The following ZC3H3 variants were observed in gnomAD, a reference collection of about 807,000 sequenced individuals.
ZC3H3 encodes zinc finger CCCH-type containing 3, also known as zinc finger CCCH domain-containing protein 3.
ZC3H3 carries 36 observed loss-of-function variants against 77.3 expected under a neutral mutation model. The ratio of observed to expected loss-of-function variants is 0.47; its 90% CI spans 0.36 to 0.61. The LOEUF (loss-of-function observed/expected upper bound fraction) is 0.61. Among genes scored for constraint, ZC3H3 ranks in the 20% least tolerant of loss-of-function variants. The pLI, the probability that ZC3H3 is intolerant of heterozygous loss-of-function variation, is 0.00. For missense variants in ZC3H3, 1,331 were observed against 1,312.2 expected, an observed-to-expected ratio of 1.01 and a Z score of -0.22; for synonymous variants, 626 against 555.2, an observed-to-expected ratio of 1.13 and a Z score of -1.79.
intron 3 of ZC3H3, among the ~76,000 whole-genome samples, chr8:143,528,837 G>A (rs887693640): frequency 2.0e-5 from 3 of 152,090 alleles, no homozygotes; most frequent in Admixed American, 6.5e-5. Context: ...TCCTCTGGGA[G>A]GGGGGGCGCC....
At chr8:143,529,241 GGAGAAGC>G (rs372404344) in intron 3 of ZC3H3, among the ~76,000 whole-genome samples, 2,650 of 152,310 alleles carry the variant, frequency 0.017, 81 homozygotes, top group African/African-American at 0.061. Context: ...CTGGTCACCG[GGAGAAGC>G]CGCTGGGGAC....
intron 11 of ZC3H3, 93 bp from the exon 12 acceptor site, chr8:143,438,180 C>G: frequency 2.0e-6 from 3 of 1,487,888 alleles, no homozygotes; most frequent in Non-Finnish European, 2.8e-6. Flanking sequence ...GATCGGGGGG[C>G]TCTGTCAGCC....
At chr8:143,476,583 G>A (rs1007480157) in intron 4 of ZC3H3, among the ~76,000 whole-genome samples, 1 of 152,146 alleles carries the variant, frequency 6.6e-6, no homozygotes, top group African/African-American at 2.4e-5. Context: ...GGGGGCTCAG[G>A]GCCTGGCAAA....
intron 1 of ZC3H3, among the ~76,000 whole-genome samples, chr8:143,539,635 T>C (rs1014617370): frequency 1.3e-5 from 2 of 152,234 alleles, no homozygotes; most frequent in Non-Finnish European, 2.9e-5. Context: ...AGTCATTTGC[T>C]GAGACGTGTC....
intron 1 of ZC3H3, 119 bp from the exon 2 acceptor site, chr8:143,539,439 G>C: frequency 2.7e-6 from 3 of 1,094,496 alleles, no homozygotes; most frequent in Admixed American, 2.9e-5. Flanking sequence ...CTGAGCCCCT[G>C]CCAGTTTCAG....
At chr8:143,510,235 T>C (rs1002979877) in intron 3 of ZC3H3, among the ~76,000 whole-genome samples, 7 of 152,148 alleles carry the variant, frequency 4.6e-5, no homozygotes, top group Non-Finnish European at 7.4e-5. Flanking sequence ...GTCACCTAGA[T>C]AGACCCCTCT....
intron 4 of ZC3H3, among the ~76,000 whole-genome samples, chr8:143,490,734 G>A (rs746166517): frequency 2.6e-5 from 4 of 152,184 alleles, no homozygotes; most frequent in Non-Finnish European, 4.4e-5. Flanking sequence ...GGCCAACATG[G>A]TGAAACCCTG....
chr8:143,480,496 C>G (rs2129927896), intron 4 of ZC3H3, among the ~76,000 whole-genome samples: 1 of 152,366 alleles, frequency 6.6e-6, no homozygotes, highest in Middle Eastern at 3.4e-3. Flanking sequence ...GTCATTGATC[C>G]TGGGCACAGA....
At chr8:143,457,453 T>C (rs1485277602) in intron 9 of ZC3H3, among the ~76,000 whole-genome samples, 1 of 152,018 alleles carries the variant, frequency 6.6e-6, no homozygotes, top group African/African-American at 2.4e-5. Context: ...TCACAGGAGC[T>C]GGGCTTGGTG....
chr8:143,520,929 G>A (rs1192004998), intron 3 of ZC3H3, among the ~76,000 whole-genome samples: 1 of 152,188 alleles, frequency 6.6e-6, no homozygotes, highest in African/African-American at 2.4e-5. Context: ...TCCATGGCTG[G>A]GTTTCTGGCC....
rs777339076 is a variant in ZC3H3, at chr8:143,473,356, C to CT, written c.1903+2041_1903+2042insA. Among the ~76,000 whole-genome samples the CT allele has an allele frequency of 2.0e-5, 3 of 152,200 alleles. No individual in the cohort carries two copies. In the East Asian group the frequency reaches 5.8e-4, roughly 29 times the overall value. On this transcript the variant is annotated intron_variant, in intron 5 of 11. Coordinates refer to ENST00000262577, the MANE Select transcript of ZC3H3 (RefSeq NM_015117.3). ...GTTTTCAGCTCATGAGAAAGGCCTCCCTGACCACCTGACTGGACACGAGTC... is the reference window on the plus strand; with the variant it reads ...GTTTTCAGCTCATGAGAAAGGCCTCCTCTGACCACCTGACTGGACACGAGTC...
intron 3 of ZC3H3, among the ~76,000 whole-genome samples, chr8:143,528,619 C>T (rs763602584): frequency 3.3e-5 from 5 of 152,216 alleles, no homozygotes; most frequent in African/African-American, 1.2e-4. Context: ...GTGCTGCTGC[C>T]GACCTCCACC....
chr8:143,500,639 T>C (rs1431439645), intron 4 of ZC3H3, among the ~76,000 whole-genome samples: 1 of 152,144 alleles, frequency 6.6e-6, no homozygotes, highest in Non-Finnish European at 1.5e-5. Flanking sequence ...AGGTGAGGGT[T>C]TTCTTATGGC....
chr8:143,530,682 G>A lies in ZC3H3; in HGVS notation c.1561+5575C>T, dbSNP rs1294451877. Among the ~76,000 whole-genome samples, 5 of 152,138 alleles carry A rather than the reference G, an allele frequency of 3.3e-5. No homozygotes were observed. The highest frequency in any genetic ancestry group is 4.8e-5 in the African/African-American group (2 of 41,422). ...CCCCAGGAGGATGTACCACGAAGCT[G>A]GCCCCACTTCCCCCGCACCACAGTG... On this transcript the variant is annotated intron_variant, in intron 3 of 11. Coordinates refer to ENST00000262577, the MANE Select transcript of ZC3H3 (RefSeq NM_015117.3). The surrounding 1 kb of genome is among the most constrained non-coding windows in gnomAD (Gnocchi z 4.3).
intron 4 of ZC3H3, among the ~76,000 whole-genome samples, chr8:143,495,754 TTTTC>T (rs1440137772): frequency 2.4e-5 from 3 of 127,558 alleles, no homozygotes; most frequent in African/African-American, 6.7e-5. Flanking sequence ...CTAATTTTTC[TTTTC>T]TTTCTTTTTT....
At chr8:143,457,986 G>A (rs72691434) in intron 9 of ZC3H3, among the ~76,000 whole-genome samples, 6,712 of 152,036 alleles carry the variant, frequency 0.044, 234 homozygotes, top group Non-Finnish European at 0.071. Context: ...AATAATAAGA[G>A]CAGACAGCCC....
intron 2 of ZC3H3, 72 bp downstream of exon 2, chr8:143,537,931 A>T: frequency 7.2e-7 from 1 of 1,394,168 alleles, no homozygotes; most frequent in Admixed American, 2.2e-5. Context: ...AGCTCAGCAG[A>T]TCCATTAGGG....
In ZC3H3 at chr8:143,437,677, T is replaced by C. The variant is rs1422629429; in HGVS notation, c.*379A>G. ...CAACCAGTTACGGATAGAACCTTTA[T>C]TGCTGAACATAAAACACCTGCCTGG... On this transcript the variant is annotated 3_prime_UTR_variant, in exon 12 of 12. Coordinates refer to ENST00000262577, the MANE Select transcript of ZC3H3 (RefSeq NM_015117.3). 2.5e-5 allele frequency: 8 copies of C among 314,070 alleles called. No individual in the cohort carries two copies. In the Admixed American group the frequency reaches 3.2e-4, roughly 12 times the overall value. 19.5% of individuals were successfully genotyped at this position (314,070 alleles called of 1,614,324 possible). A position where few individuals can be genotyped will look rare whatever the true frequency, so the allele number is the denominator to read the frequency against.
intron 4 of ZC3H3, among the ~76,000 whole-genome samples, chr8:143,503,437 A>G (rs532763724): frequency 6.6e-6 from 1 of 152,190 alleles, no homozygotes; most frequent in Non-Finnish European, 1.5e-5. Context: ...TCCATCTGAC[A>G]ACGACGAGCA....
Sources: gnomAD v4.1 joint callset for allele counts (sites outside exome capture counted in the v4.1 genomes callset) on GRCh38, gnomAD v4.1.1 for gene constraint, Gnocchi (gnomAD v3.1) non-coding constraint, MANE v1.5 for transcripts, NCBI Gene and HGNC (gene_info 2026-07-23, HGNC 2026-07-21) for gene names.